Variants in EIF4EBP2 observed in about 807,000 individuals in gnomAD.
EIF4EBP2 encodes eukaryotic translation initiation factor 4E binding protein 2.
EIF4EBP2 carries 5 observed loss-of-function variants against 10.3 expected under a neutral mutation model. The ratio of observed to expected loss-of-function variants is 0.48; its 90% CI spans 0.25 to 1.02. The LOEUF is 1.02. Ranked by LOEUF, EIF4EBP2 falls within the 50% of genes least tolerant of loss-of-function variation. EIF4EBP2 has a pLI of 0.15. For missense variants in EIF4EBP2, 188 were observed against 162.2 expected (o/e 1.16, Z -0.86); for synonymous variants, 67 against 61.1 (o/e 1.10, Z -0.45).
intron 1 of EIF4EBP2, among the ~76,000 whole-genome samples, chr10:70,417,145 C>A (rs1845106134): frequency 6.6e-6 from 1 of 152,024 alleles, no homozygotes; most frequent in Non-Finnish European, 1.5e-5. Context: ...TATATACATA[C>A]AATGAAATAT....
intron 1 of EIF4EBP2, among the ~76,000 whole-genome samples, chr10:70,406,831 C>T (rs1037752467): frequency 3.9e-5 from 6 of 152,212 alleles, no homozygotes; most frequent in Non-Finnish European, 8.8e-5. Flanking sequence ...GTGATCTTGG[C>T]TCTTCTTTAC....
intron 1 of EIF4EBP2, among the ~76,000 whole-genome samples, chr10:70,414,649 C>G (rs1178695183): frequency 6.6e-6 from 1 of 152,172 alleles, no homozygotes; most frequent in Non-Finnish European, 1.5e-5. Context: ...TTGCAGATCA[C>G]TTGAGGTCAG....
rs959085689 is a variant in EIF4EBP2, at chr10:70,426,935, T to C, written c.*5188T>C. The C allele has an allele frequency of 2.6e-5, 4 of 152,290 alleles. No individual in the cohort carries two copies. Among genetic ancestry groups the C allele is most frequent in the African/African-American group, 9.7e-5 (4 of 41,438 alleles). The allele number at this position is 152,290 out of a possible 1,614,324, so 9.4% of individuals were successfully genotyped here. On this transcript the variant is annotated 3_prime_UTR_variant, in exon 3 of 3. Transcript: ENST00000373218. ...CTGCCGGAGTCCATCATTTAGCCAG[T>C]ATACATAGAGGAACTGCTTCGAATC...
chr10:70,413,925 G>T (rs961800629), intron 1 of EIF4EBP2, among the ~76,000 whole-genome samples: 3 of 152,114 alleles, frequency 2.0e-5, no homozygotes, highest in Non-Finnish European at 4.4e-5. Context: ...TTCTTCAGTA[G>T]CTTAAGGTTA....
chr10:70,416,130 G>A (rs1235330426), intron 1 of EIF4EBP2, among the ~76,000 whole-genome samples: 2 of 152,144 alleles, frequency 1.3e-5, no homozygotes, highest in African/African-American at 4.8e-5. Context: ...CATGAAAACA[G>A]CATGTTCAAC....
intron 1 of EIF4EBP2, among the ~76,000 whole-genome samples, chr10:70,408,008 CG>C (rs1267065033): frequency 8.5e-4 from 29 of 34,112 alleles, no homozygotes; most frequent in Non-Finnish European, 1.1e-3. Context: ...CCCTCCCGGA[CG>C]GGGCGGCTGG....
intron 1 of EIF4EBP2, among the ~76,000 whole-genome samples, chr10:70,417,217 A>G (rs1477690836): frequency 6.6e-6 from 1 of 152,232 alleles, no homozygotes; most frequent in African/African-American, 2.4e-5. Context: ...CTTTGAAGAC[A>G]TTATGAAAGT....
Position 70,421,846 on chromosome 10 carries a change from C to T in EIF4EBP2, c.*99C>T. On this transcript the variant is annotated 3_prime_UTR_variant, in exon 3 of 3. Transcript: ENST00000373218. Reference sequence around the variant, plus strand: ...CAGTGAAAAGACAGAAGAGGCAATACCAGCAGTCCCCATTACAGTCTCCAC... The same window carrying T: ...CAGTGAAAAGACAGAAGAGGCAATATCAGCAGTCCCCATTACAGTCTCCAC... 3 of 1,123,472 alleles carry T rather than the reference C, an allele frequency of 2.7e-6. No individual in the cohort carries two copies. Among genetic ancestry groups the T allele is most frequent in the Non-Finnish European group, 4.0e-6 (3 of 751,980 alleles). The allele number at this position is 1,123,472 out of a possible 1,614,324, so 69.6% of individuals were successfully genotyped here. A position where few individuals can be genotyped will look rare whatever the true frequency, so the allele number is the denominator to read the frequency against.
chr10:70,413,552 A>T, intron 1 of EIF4EBP2, among the ~76,000 whole-genome samples: 1 of 149,310 alleles, frequency 6.7e-6, no homozygotes, highest in Non-Finnish European at 1.5e-5. Context: ...AGGTTGCAGT[A>T]AGCCGTGATC....
rs958502893 is a variant in EIF4EBP2, at chr10:70,427,668, T to A, written c.*5921T>A. Reference sequence around the variant, plus strand: ...TGGATTCTCTTTGCTTATGGCTCTCTGCCTGCAGCCCTGGCAGACCATACT... The same window carrying A: ...TGGATTCTCTTTGCTTATGGCTCTCAGCCTGCAGCCCTGGCAGACCATACT... On this transcript the variant is annotated 3_prime_UTR_variant, in exon 3 of 3. Transcript: ENST00000373218. 1.3e-5 allele frequency: 2 copies of A among 152,216 alleles called. No individual in the cohort carries two copies. The highest frequency in any genetic ancestry group is 2.9e-5 in the Non-Finnish European group (2 of 68,058). 9.4% of individuals were successfully genotyped at this position (152,216 alleles called of 1,614,324 possible).
intron 1 of EIF4EBP2, among the ~76,000 whole-genome samples, chr10:70,405,615 G>A (rs1431888731): frequency 6.6e-6 from 1 of 152,192 alleles, no homozygotes; most frequent in Non-Finnish European, 1.5e-5. Context: ...CAGCTCCTGC[G>A]GTCTAGAGGA....
intron 1 of EIF4EBP2, among the ~76,000 whole-genome samples, chr10:70,413,638 A>G (rs890937360): frequency 4.6e-5 from 7 of 150,722 alleles, no homozygotes; most frequent in African/African-American, 1.7e-4. Flanking sequence ...AAAAGAAATC[A>G]GAGTTTGTAA....
Position 70,421,991 on chromosome 10 carries a change from T to C in EIF4EBP2, c.*244T>C. 2.0e-6 allele frequency: 1 copy of C among 498,044 alleles called. No homozygotes were observed. Among genetic ancestry groups the C allele is most frequent in the East Asian group, 3.0e-5 (1 of 33,242 alleles). The allele number at this position is 498,044 out of a possible 1,614,324, so 30.9% of individuals were successfully genotyped here. Reference sequence around the variant, plus strand: ...GGTTAGATTGAAGGCCCTTGCTGTATTTCTGTAGAGCTAAGCAGCCCTTAG... The same window carrying C: ...GGTTAGATTGAAGGCCCTTGCTGTACTTCTGTAGAGCTAAGCAGCCCTTAG... On this transcript the variant is annotated 3_prime_UTR_variant, in exon 3 of 3. Transcript: ENST00000373218.
intron 1 of EIF4EBP2, among the ~76,000 whole-genome samples, chr10:70,407,965 G>A (rs1844996118): frequency 7.9e-6 from 1 of 126,126 alleles, no homozygotes; most frequent in Non-Finnish European, 1.7e-5. Flanking sequence ...TGGACGGGGC[G>A]GCTGGCCGGG....
intron 1 of EIF4EBP2, among the ~76,000 whole-genome samples, chr10:70,414,985 C>T (rs1380008031): frequency 1.3e-5 from 2 of 151,904 alleles, no homozygotes; most frequent in African/African-American, 4.8e-5. Context: ...GGTGAAACCC[C>T]GTCTCTACAA....
At chr10:70,413,390 C>T (rs1845063190) in intron 1 of EIF4EBP2, among the ~76,000 whole-genome samples, 1 of 152,046 alleles carries the variant, frequency 6.6e-6, no homozygotes, top group African/African-American at 2.4e-5. Flanking sequence ...CTTTGTGAGG[C>T]CAAGGCAGGA....
intron 1 of EIF4EBP2, among the ~76,000 whole-genome samples, chr10:70,408,865 C>A (rs538301665): frequency 6.6e-6 from 1 of 152,306 alleles, no homozygotes; most frequent in African/African-American, 2.4e-5. Flanking sequence ...GACTTGAAAA[C>A]ATTTAGAAAA....
At chr10:70,414,750 C>A (rs1845076330) in intron 1 of EIF4EBP2, among the ~76,000 whole-genome samples, 1 of 151,792 alleles carries the variant, frequency 6.6e-6, no homozygotes, top group Admixed American at 6.6e-5. Context: ...TACCTGTAAT[C>A]CCAGCTATTT....
chr10:70,407,488 A>G (rs1844982182), intron 1 of EIF4EBP2, among the ~76,000 whole-genome samples: 1 of 151,936 alleles, frequency 6.6e-6, no homozygotes, highest in South Asian at 2.1e-4. Context: ...GTACAGAACA[A>G]AATGAAAAGT....
Sources: gnomAD v4.1 joint callset for allele counts (sites outside exome capture counted in the v4.1 genomes callset) on GRCh38, gnomAD v4.1.1 for gene constraint, MANE v1.5 for transcripts, NCBI Gene and HGNC (gene_info 2026-07-23, HGNC 2026-07-21) for gene names.